SLC44A5: variants seen among roughly 807,000 people sequenced by gnomAD.
The protein encoded by SLC44A5 is choline transporter-like protein 5.
A neutral mutation model predicts 101.8 loss-of-function variants in SLC44A5; 57 were observed. The observed-to-expected ratio is 0.56, with a 90% confidence interval of 0.45 to 0.70. The LOEUF (loss-of-function observed/expected upper bound fraction) is 0.70, where lower values mean the gene tolerates loss of function less well. SLC44A5 is among the 30% of genes least tolerant of loss of function. The pLI, the probability that SLC44A5 is intolerant of heterozygous loss-of-function variation, is 0.00. For synonymous variants in SLC44A5, 281 were observed against 290.9 expected, an observed-to-expected ratio of 0.97 and a Z score of 0.35; for missense variants, 737 against 853.1, an observed-to-expected ratio of 0.86 and a Z score of 1.70.
intron 1 of SLC44A5, among the ~76,000 whole-genome samples, chr1:75,551,793 T>C (rs984747741): frequency 4.6e-5 from 7 of 151,498 alleles, no homozygotes; most frequent in African/African-American, 1.7e-4. Context: ...TATTAAGGAG[T>C]TAATGTATAT....
At chr1:75,366,975 G>A (rs910355610) in intron 3 of SLC44A5, among the ~76,000 whole-genome samples, 8 of 151,954 alleles carry the variant, frequency 5.3e-5, no homozygotes, top group African/African-American at 1.9e-4. Flanking sequence ...ACATCCCATT[G>A]AGCCATTTTA....
At chr1:75,451,033 G>A (rs1372880702) in intron 2 of SLC44A5, among the ~76,000 whole-genome samples, 1 of 152,156 alleles carries the variant, frequency 6.6e-6, no homozygotes, top group East Asian at 1.9e-4. Context: ...ACAACCCCAG[G>A]CAAGGAAGTT....
chr1:75,296,790 T>C (rs971493525), intron 5 of SLC44A5, among the ~76,000 whole-genome samples: 3 of 152,166 alleles, frequency 2.0e-5, no homozygotes, highest in Non-Finnish European at 4.4e-5. Context: ...AGGATCCCAC[T>C]TCCAGGTACC....
chr1:75,456,903 A>G (rs978132574), intron 2 of SLC44A5, among the ~76,000 whole-genome samples: 1 of 152,228 alleles, frequency 6.6e-6, no homozygotes, highest in Non-Finnish European at 1.5e-5. Context: ...AGCAGAGAAT[A>G]TTACCAAAAG....
chr1:75,615,426 C>CACAT (rs1375286587), upstream of SLC44A5, among the ~76,000 whole-genome samples: 8 of 88,682 alleles, frequency 9.0e-5, no homozygotes, highest in Admixed American at 3.7e-4. Flanking sequence ...TACACACACA[C>CACAT]ACACATACAT....
chr1:75,344,445 A>C (rs1333130465), intron 3 of SLC44A5, among the ~76,000 whole-genome samples: 1 of 152,182 alleles, frequency 6.6e-6, no homozygotes, highest in Non-Finnish European at 1.5e-5. Flanking sequence ...ACCTAATATA[A>C]GGAAAGGGAT....
At chr1:75,404,444 G>A (rs1454681025) in intron 2 of SLC44A5, among the ~76,000 whole-genome samples, 1 of 152,172 alleles carries the variant, frequency 6.6e-6, no homozygotes, top group African/African-American at 2.4e-5. Flanking sequence ...GGGGCAGCCA[G>A]AGCAAAAGGT....
chr1:75,403,574 C>T (rs939369268), intron 2 of SLC44A5, among the ~76,000 whole-genome samples: 1 of 152,180 alleles, frequency 6.6e-6, no homozygotes, highest in Admixed American at 6.5e-5. Context: ...AGTGGACCTC[C>T]AGCAAACTCC....
intron 2 of SLC44A5, among the ~76,000 whole-genome samples, chr1:75,397,275 T>A (rs541922903): frequency 6.6e-6 from 1 of 152,284 alleles, no homozygotes; most frequent in East Asian, 1.9e-4. Context: ...ATGCTTCAAG[T>A]GTCACATATG....
chr1:75,239,543 T>A (rs1481683313), intron 9 of SLC44A5, among the ~76,000 whole-genome samples: 4 of 152,020 alleles, frequency 2.6e-5, no homozygotes. Flanking sequence ...TTAAAAGGAT[T>A]TTCTTGTCTG....
chr1:75,367,363 C>A (rs1418625806), intron 3 of SLC44A5, among the ~76,000 whole-genome samples: 1 of 152,170 alleles, frequency 6.6e-6, no homozygotes, highest in African/African-American at 2.4e-5. Context: ...GCAGATGAGA[C>A]TGTCTCTGAT....
chr1:75,295,285 A>G lies in SLC44A5; in HGVS notation c.175+5327T>C, dbSNP rs185386215. On this transcript the variant is annotated intron_variant, in intron 5 of 23. Coordinates refer to ENST00000370859, the MANE Select transcript of SLC44A5 (RefSeq NM_001130058.2). Reference sequence around the variant, plus strand: ...TTTGTATGGACAGAATGAAAAAGTCATCTTGGAATTATCTTTGTTCTTCAG... The same window carrying G: ...TTTGTATGGACAGAATGAAAAAGTCGTCTTGGAATTATCTTTGTTCTTCAG... Among the ~76,000 whole-genome samples, 12 of 152,340 alleles carry G rather than the reference A, an allele frequency of 7.9e-5. No homozygotes were observed. The East Asian group carries it at 2.3e-3, about 29-fold the overall frequency.
chr1:75,444,483 G>GAAAGAAAGAAAGAAAGA (rs1553181287), intron 2 of SLC44A5, among the ~76,000 whole-genome samples: 49 of 140,728 alleles, frequency 3.5e-4, no homozygotes, highest in African/African-American at 1.0e-3. Context: ...GAGAAAGAAA[G>GAAAGAAAGAAAGAAAGA]AAGAAAGAAA....
chr1:75,576,540 G>T (rs542769502), intron 1 of SLC44A5, among the ~76,000 whole-genome samples: 1 of 151,926 alleles, frequency 6.6e-6, no homozygotes. Flanking sequence ...GGATGGTCTC[G>T]ATCTCCTGAC....
At chr1:75,592,890 A>G (rs947774108) in intron 1 of SLC44A5, among the ~76,000 whole-genome samples, 8 of 152,270 alleles carry the variant, frequency 5.3e-5, no homozygotes, top group East Asian at 1.9e-4. Flanking sequence ...TGAAACTACT[A>G]TAAGAAAACA....
At chr1:75,571,294 C>G (rs550601576) in intron 1 of SLC44A5, among the ~76,000 whole-genome samples, 3 of 152,098 alleles carry the variant, frequency 2.0e-5, no homozygotes, top group East Asian at 3.9e-4. Context: ...AGACATAGAA[C>G]AGTAAGGACA....
chr1:75,584,428 A>G (rs1193972144), intron 1 of SLC44A5, among the ~76,000 whole-genome samples: 2 of 152,210 alleles, frequency 1.3e-5, no homozygotes, highest in Admixed American at 1.3e-4. Flanking sequence ...ATTAACAATG[A>G]ATTAGGACAC....
At chr1:75,624,612 C>A in the SLC44A5 span, among the ~76,000 whole-genome samples, 3 of 152,120 alleles carry the variant, frequency 2.0e-5, no homozygotes, top group Admixed American at 2.0e-4. Flanking sequence ...AAGAGCACTG[C>A]TCTTGCCAAA....
chr1:75,351,515 A>G (rs1048902594), intron 3 of SLC44A5, among the ~76,000 whole-genome samples: 1 of 152,166 alleles, frequency 6.6e-6, no homozygotes, highest in African/African-American at 2.4e-5. Context: ...AGAACTAGTT[A>G]TAAAGTGAGT....
Sources: allele counts gnomAD v4.1 joint callset (sites outside exome capture counted in the v4.1 genomes callset), GRCh38; gene constraint gnomAD v4.1.1; transcripts MANE v1.5; gene names NCBI Gene and HGNC (gene_info 2026-07-23, HGNC 2026-07-21).